NATD1: variants seen among roughly 807,000 people sequenced by gnomAD.
NATD1 encodes the protein N-acetyltransferase domain containing 1.
A neutral mutation model predicts 12.0 loss-of-function variants in NATD1; 9 were observed. The ratio of observed to expected loss-of-function variants is 0.75; its 90% CI spans 0.45 to 1.30. NATD1 has a LOEUF of 1.30. Among genes scored for constraint, NATD1 ranks in the 50% most tolerant of loss-of-function variants. The pLI is 0.00. For synonymous variants in NATD1, 71 were observed against 65.9 expected (o/e 1.08, Z -0.37); for missense variants, 148 against 148.5 (o/e 1.00, Z 0.02).
At chr17:21,245,063 A>G (rs1975313759) in intron 1 of NATD1, among the ~76,000 whole-genome samples, 1 of 152,226 alleles carries the variant, frequency 6.6e-6, no homozygotes, top group Admixed American at 6.5e-5. Flanking sequence ...GAGAAAGAGA[A>G]TAAACATGAA....
intron 1 of NATD1, among the ~76,000 whole-genome samples, chr17:21,248,147 C>T (rs534086325): frequency 2.0e-5 from 3 of 152,272 alleles, no homozygotes; most frequent in South Asian, 2.1e-4. Context: ...GAGCCAGGCT[C>T]CTGGGCAGCA....
At chr17:21,251,803 T>C (rs1293843391) in intron 1 of NATD1, among the ~76,000 whole-genome samples, 3 of 152,202 alleles carry the variant, frequency 2.0e-5, no homozygotes, top group Non-Finnish European at 4.4e-5. Flanking sequence ...CCATCCCAGC[T>C]CTGCCCAACT....
At chr17:21,248,555 C>A (rs764898284) in intron 1 of NATD1, among the ~76,000 whole-genome samples, 7 of 152,208 alleles carry the variant, frequency 4.6e-5, no homozygotes, top group Non-Finnish European at 8.8e-5. Context: ...CCAGAAGCCT[C>A]CCCTGACCAC....
Position 21,242,982 on chromosome 17 carries a change from C to G in NATD1, c.*331G>C, listed in dbSNP as rs1225732798. On this transcript the variant is annotated 3_prime_UTR_variant, in exon 3 of 3. Transcript: ENST00000611551. The stretch of plus-strand genomic sequence containing the variant: ...TGGCAGCAGGGGTCCCACACTGGCC[C>G]TCCTGCTGATCTCCAAGTGGAGCCC... The G allele has an allele frequency of 4.3e-6, 1 of 231,064 alleles. No homozygotes were observed. Among genetic ancestry groups the G allele is most frequent in the Admixed American group, 5.1e-5 (1 of 19,418 alleles). The allele number at this position is 231,064 out of a possible 1,614,324, so 14.3% of individuals were successfully genotyped here. A position where few individuals can be genotyped will look rare whatever the true frequency, so the allele number is the denominator to read the frequency against.
intron 1 of NATD1, among the ~76,000 whole-genome samples, chr17:21,245,665 C>T (rs375079020): frequency 2.2e-4 from 33 of 152,204 alleles, no homozygotes; most frequent in African/African-American, 7.5e-4. Context: ...CCCAGGCCTG[C>T]AGGTCCTGAG....
chr17:21,241,052 G>C lies in NATD1; in HGVS notation c.*2261C>G, dbSNP rs1055502872. The C allele has an allele frequency of 6.6e-6, 1 of 152,590 alleles. No homozygotes were observed. Among genetic ancestry groups the C allele is most frequent in the Non-Finnish European group, 1.5e-5 (1 of 68,162 alleles). 9.5% of individuals were successfully genotyped at this position (152,590 alleles called of 1,614,324 possible). ...GTTCCTGGGCCCGGGGCCTCTGCAG[G>C]CCTCCACCACCCCATGCTGCCTAGT... is the stretch of plus-strand genomic sequence containing the variant. On this transcript the variant is annotated 3_prime_UTR_variant, in exon 3 of 3. Transcript: ENST00000611551.
At position 21,241,638 on chromosome 17, in the gene NATD1, C is replaced by T. The variant is rs540783376; in HGVS notation, c.*1675G>A. ...TGGAGGCCAGGGCAGGAGCATCTGC[C>T]ACAGGTCAAGGGGCAGGGATGTCGG... On this transcript the variant is annotated 3_prime_UTR_variant, in exon 3 of 3. Coordinates refer to ENST00000611551, the MANE Select transcript of NATD1 (RefSeq NM_152914.3). 1 of 152,698 alleles carries T rather than the reference C, an allele frequency of 6.5e-6. No homozygotes were observed. The highest frequency in any genetic ancestry group is 6.5e-5 in the Admixed American group (1 of 15,316). 9.5% of individuals were successfully genotyped at this position (152,698 alleles called of 1,614,324 possible).
chr17:21,251,752 G>A (rs1183951545), intron 1 of NATD1, among the ~76,000 whole-genome samples: 2 of 152,304 alleles, frequency 1.3e-5, no homozygotes, highest in Non-Finnish European at 2.9e-5. Context: ...AATGTGGGTC[G>A]CAGGAGCCCC....
chr17:21,243,200 A>T lies in NATD1; in HGVS notation c.*113T>A. ...GTGGGGCACAGATGAGTGTCCTTACAAAAATAACTCTGAGTCTGTTCCCAG... is the reference window on the plus strand; with the variant it reads ...GTGGGGCACAGATGAGTGTCCTTACTAAAATAACTCTGAGTCTGTTCCCAG... On this transcript the variant is annotated 3_prime_UTR_variant, in exon 3 of 3. Transcript: ENST00000611551. 2.5e-6 allele frequency: 2 copies of T among 789,400 alleles called. No individual in the cohort carries two copies. Among genetic ancestry groups the T allele is most frequent in the Non-Finnish European group, 4.0e-6 (2 of 494,696 alleles). The allele number at this position is 789,400 out of a possible 1,614,324, so 48.9% of individuals were successfully genotyped here. A position where few individuals can be genotyped will look rare whatever the true frequency, so the allele number is the denominator to read the frequency against.
chr17:21,243,057 C>T lies in NATD1; in HGVS notation c.*256G>A, dbSNP rs1975291218. 1 of 408,380 alleles carries T rather than the reference C, an allele frequency of 2.4e-6. No individual in the cohort carries two copies. Among genetic ancestry groups the T allele is most frequent in the Admixed American group, 3.6e-5 (1 of 27,556 alleles). 25.3% of individuals were successfully genotyped at this position (408,380 alleles called of 1,614,324 possible). On this transcript the variant is annotated 3_prime_UTR_variant, in exon 3 of 3. Transcript: ENST00000611551. ...TAGCCCCTACGTGTGACCCACAGGCCTCCCACGAAGCCGCTGGTCTCTGCA... is the reference window on the plus strand; with the variant it reads ...TAGCCCCTACGTGTGACCCACAGGCTTCCCACGAAGCCGCTGGTCTCTGCA...
intron 1 of NATD1, among the ~76,000 whole-genome samples, chr17:21,251,611 G>A (rs1375534751): frequency 1.3e-5 from 2 of 152,204 alleles, no homozygotes; most frequent in Non-Finnish European, 2.9e-5. Flanking sequence ...GTAACACGGG[G>A]TGGTATGTCA....
At chr17:21,247,807 T>C (rs1366554910) in intron 1 of NATD1, among the ~76,000 whole-genome samples, 2 of 152,140 alleles carry the variant, frequency 1.3e-5, no homozygotes, top group African/African-American at 4.8e-5. Context: ...CCTGTGTCAC[T>C]GTGAGCCGAG....
intron 2 of NATD1, among the ~76,000 whole-genome samples, chr17:21,243,725 G>A (rs1349247155): frequency 6.6e-6 from 1 of 152,150 alleles, no homozygotes; most frequent in Admixed American, 6.5e-5. Context: ...GCCGGCAGAC[G>A]GCCCAGCTAA....
chr17:21,248,891 T>G (rs943382047), intron 1 of NATD1, among the ~76,000 whole-genome samples: 3 of 152,072 alleles, frequency 2.0e-5, no homozygotes, highest in Non-Finnish European at 2.9e-5. Flanking sequence ...CACCTGTCCC[T>G]GGATGATCAC....
At chr17:21,246,045 C>A (rs1365307018) in intron 1 of NATD1, among the ~76,000 whole-genome samples, 1 of 152,186 alleles carries the variant, frequency 6.6e-6, no homozygotes, top group Non-Finnish European at 1.5e-5. Flanking sequence ...GACTCCGTCA[C>A]CAAGGGAGCT....
intron 1 of NATD1, among the ~76,000 whole-genome samples, chr17:21,248,245 G>A (rs1975343823): frequency 1.3e-5 from 2 of 152,118 alleles, no homozygotes; most frequent in African/African-American, 4.8e-5. Flanking sequence ...CATGACACAG[G>A]CCACAAATGC....
chr17:21,242,208 G>A lies in NATD1; in HGVS notation c.*1105C>T, dbSNP rs540133054. On this transcript the variant is annotated 3_prime_UTR_variant, in exon 3 of 3. Coordinates refer to ENST00000611551, the MANE Select transcript of NATD1 (RefSeq NM_152914.3). Reference sequence around the variant, plus strand: ...AGTCAGCCCCAGGGGAAGCCAGCATGCCCTGGAAAGGCTGGTCCCACCAAA... The same window carrying A: ...AGTCAGCCCCAGGGGAAGCCAGCATACCCTGGAAAGGCTGGTCCCACCAAA... 3 of 152,440 alleles carry A rather than the reference G, an allele frequency of 2.0e-5. No homozygotes were observed. In the South Asian group the frequency reaches 6.2e-4, roughly 32 times the overall value. 9.4% of individuals were successfully genotyped at this position (152,440 alleles called of 1,614,324 possible).
intron 1 of NATD1, among the ~76,000 whole-genome samples, chr17:21,246,514 CAAAAAAAAAA>C (rs1398056962): frequency 1.2e-5 from 1 of 86,376 alleles, no homozygotes. Flanking sequence ...AACTCCATCT[CAAAAAAAAAA>C]GAAAAAAAAA....
In NATD1 at chr17:21,243,278, G is replaced by A; in HGVS notation, c.*35C>T. The A allele has an allele frequency of 6.3e-7, 1 of 1,574,998 alleles. No individual in the cohort carries two copies. The highest frequency in any genetic ancestry group is 8.7e-7 in the Non-Finnish European group (1 of 1,152,080). ...GGCCAGGCAAAGGCCACGTGGAAGA[G>A]TCCGGCAGGGAGCGCTCCCGCCTGC... On this transcript the variant is annotated 3_prime_UTR_variant, in exon 3 of 3. Transcript: ENST00000611551.
Sources: gnomAD v4.1 joint callset for allele counts (sites outside exome capture counted in the v4.1 genomes callset) on GRCh38, gnomAD v4.1.1 for gene constraint, MANE v1.5 for transcripts, NCBI Gene and HGNC (gene_info 2026-07-23, HGNC 2026-07-21) for gene names.